Variants in ASIC2 observed in about 807,000 individuals in gnomAD.
The protein encoded by ASIC2 is acid-sensing ion channel 2.
Under a neutral mutation model 57.3 loss-of-function variants are expected in ASIC2, and 25 were observed. The ratio of observed to expected loss-of-function variants is 0.44; its 90% CI spans 0.32 to 0.61. The LOEUF is 0.61. ASIC2 is among the 20% of genes least tolerant of loss of function. The probability of loss-of-function intolerance (pLI) is 0.06; values close to 1 mark genes in which losing one functional copy is unlikely to be tolerated. For synonymous variants in ASIC2, 319 were observed against 307.5 expected, an observed-to-expected ratio of 1.04 and a Z score of -0.39; for missense variants, 641 against 738.1, an observed-to-expected ratio of 0.87 and a Z score of 1.52.
intron 1 of ASIC2, chr17:34,051,555 T>G (rs1474379254): frequency 2.0e-5 from 3 of 152,196 alleles, no homozygotes; most frequent in Non-Finnish European, 4.4e-5. Flanking sequence ...CCACCCTTCT[T>G]AAAAGGCCTG....
intron 1 of ASIC2, among the ~76,000 whole-genome samples, chr17:33,715,409 T>A (rs1176749946): frequency 6.6e-6 from 1 of 152,162 alleles, no homozygotes; most frequent in Non-Finnish European, 1.5e-5. Flanking sequence ...AATCACCACT[T>A]GTGTGCCCAT....
chr17:33,253,909 C>G (rs900928897), intron 1 of ASIC2, among the ~76,000 whole-genome samples: 4 of 152,146 alleles, frequency 2.6e-5, no homozygotes, highest in African/African-American at 9.7e-5. Flanking sequence ...CACCCAGGCT[C>G]TCTACAATTA....
intron 1 of ASIC2, among the ~76,000 whole-genome samples, chr17:33,958,238 G>T (rs1003186018): frequency 2.6e-5 from 4 of 152,168 alleles, no homozygotes; most frequent in African/African-American, 9.7e-5. Flanking sequence ...AGCTGTAAGT[G>T]GATCGACCAT....
intron 1 of ASIC2, among the ~76,000 whole-genome samples, chr17:33,691,937 T>C (rs952758873): frequency 6.6e-6 from 1 of 152,158 alleles, no homozygotes; most frequent in Non-Finnish European, 1.5e-5. Context: ...CATCATAAAG[T>C]GCACTAACAT....
At chr17:33,176,531 G>A (rs765174768) in intron 1 of ASIC2, among the ~76,000 whole-genome samples, 31 of 152,192 alleles carry the variant, frequency 2.0e-4, no homozygotes, top group Middle Eastern at 3.4e-3. Context: ...TTGTAGAGAT[G>A]GGGTCTCACC....
intron 1 of ASIC2, among the ~76,000 whole-genome samples, chr17:33,405,682 A>T (rs1910448497): frequency 6.6e-6 from 1 of 151,620 alleles, no homozygotes; most frequent in African/African-American, 2.4e-5. Context: ...CGGGGTTTCA[A>T]CATGTTGGTC....
intron 1 of ASIC2, among the ~76,000 whole-genome samples, chr17:33,315,301 G>C (rs1034863159): frequency 2.6e-5 from 4 of 152,168 alleles, no homozygotes; most frequent in Admixed American, 6.5e-5. Context: ...ACAGAACCCA[G>C]GGAGGGAGAA....
chr17:33,255,927 T>G (rs1217868450), intron 1 of ASIC2, among the ~76,000 whole-genome samples: 1 of 152,168 alleles, frequency 6.6e-6, no homozygotes, highest in Non-Finnish European at 1.5e-5. Flanking sequence ...CAATATACCC[T>G]CTACCTAAGT....
At chr17:33,827,101 A>G (rs1333135435) in intron 1 of ASIC2, among the ~76,000 whole-genome samples, 1 of 152,156 alleles carries the variant, frequency 6.6e-6, no homozygotes, top group African/African-American at 2.4e-5. Flanking sequence ...CTGGAGTCAT[A>G]CAGCCTTGAG....
intron 1 of ASIC2, among the ~76,000 whole-genome samples, chr17:33,775,779 ACT>A (rs552806260): frequency 4.6e-5 from 7 of 151,866 alleles, no homozygotes; most frequent in Admixed American, 2.6e-4. Context: ...CAGCTCTTCC[ACT>A]CTCTGTGCTG....
intron 1 of ASIC2, chr17:34,155,584 C>T (rs758901112): frequency 2.0e-5 from 4 of 198,054 alleles, no homozygotes; most frequent in Admixed American, 5.6e-5. Flanking sequence ...CACACGCACA[C>T]GCACACGCAC....
chr17:33,404,138 G>A (rs1372147197), intron 1 of ASIC2, among the ~76,000 whole-genome samples: 1 of 152,226 alleles, frequency 6.6e-6, no homozygotes, highest in Non-Finnish European at 1.5e-5. Context: ...AAATGATAGA[G>A]TAAAAGACTA....
At chr17:33,105,782 G>A (rs56358200) in intron 2 of ASIC2, among the ~76,000 whole-genome samples, 3 of 152,204 alleles carry the variant, frequency 2.0e-5, no homozygotes, top group African/African-American at 7.2e-5. Context: ...TCCAGGCTGA[G>A]GTGGTCTCAG....
intron 1 of ASIC2, among the ~76,000 whole-genome samples, chr17:34,015,206 G>A (rs1906908996): frequency 6.6e-6 from 1 of 151,696 alleles, no homozygotes; most frequent in Non-Finnish European, 1.5e-5. Flanking sequence ...ACTATGCCTA[G>A]CCTATCCCCG....
chr17:33,064,548 C>G (rs1295047885), intron 3 of ASIC2, among the ~76,000 whole-genome samples: 3 of 152,232 alleles, frequency 2.0e-5, no homozygotes, highest in Non-Finnish European at 1.5e-5. Context: ...GATCATTCCT[C>G]TGGATGTTTC....
intron 1 of ASIC2, among the ~76,000 whole-genome samples, chr17:33,356,542 A>G (rs907950676): frequency 1.3e-5 from 2 of 152,140 alleles, no homozygotes; most frequent in Admixed American, 6.5e-5. Flanking sequence ...GGTCTCCACC[A>G]TAATTACTAT....
chr17:33,768,880 G>A (rs1911011770), intron 1 of ASIC2, among the ~76,000 whole-genome samples: 1 of 152,084 alleles, frequency 6.6e-6, no homozygotes, highest in Non-Finnish European at 1.5e-5. Flanking sequence ...TCCTGACTTT[G>A]GGGGAAGACG....
At chr17:33,633,906 T>C (rs1906259295) in intron 1 of ASIC2, among the ~76,000 whole-genome samples, 2 of 152,198 alleles carry the variant, frequency 1.3e-5, no homozygotes, top group African/African-American at 4.8e-5. Flanking sequence ...CCATCTTCTG[T>C]GCAAAGCCCC....
At chr17:33,416,904 A>T (rs529222581) in intron 1 of ASIC2, among the ~76,000 whole-genome samples, 1 of 152,218 alleles carries the variant, frequency 6.6e-6, no homozygotes, top group African/African-American at 2.4e-5. Context: ...TTTATTTGGG[A>T]TCTCACCAAT....
Sources: gnomAD v4.1 joint callset for allele counts (sites outside exome capture counted in the v4.1 genomes callset) on GRCh38, gnomAD v4.1.1 for gene constraint, MANE v1.5 for transcripts, NCBI Gene and HGNC (gene_info 2026-07-23, HGNC 2026-07-21) for gene names.